HRG: variants seen among roughly 807,000 people sequenced by gnomAD.
HRG encodes histidine rich glycoprotein, also known as histidine-rich glycoprotein.
A neutral mutation model predicts 29.5 loss-of-function variants in HRG; 26 were observed. That is an observed-to-expected ratio of 0.88 (90% CI 0.65 to 1.22). HRG has a LOEUF of 1.22. Among genes scored for constraint, HRG ranks in the 50% most tolerant of loss-of-function variants. The pLI, the probability that HRG is intolerant of heterozygous loss-of-function variation, is 0.00. For missense variants in HRG, 671 were observed against 654.5 expected, an observed-to-expected ratio of 1.03 and a Z score of -0.28; for synonymous variants, 243 against 240.4, an observed-to-expected ratio of 1.01 and a Z score of -0.10.
At chr3:186,676,463 C>CT (rs971206689) in intron 6 of HRG, among the ~76,000 whole-genome samples, 27 of 148,742 alleles carry the variant, frequency 1.8e-4, no homozygotes, top group East Asian at 7.9e-4. Flanking sequence ...CTGGCTCTTT[C>CT]TTTTTTTTTT....
At chr3:186,672,922 G>GAGAAGA in intron 5 of HRG, 55 bp downstream of exon 5, 1 of 1,130,868 alleles carries the variant, frequency 8.8e-7, no homozygotes, top group South Asian at 1.2e-5. Context: ...AAAAAAGAAA[G>GAGAAGA]AGAAGAAGGA....
intron 5 of HRG, 62 bp from the exon 6 acceptor site, chr3:186,675,027 T>A: frequency 9.3e-7 from 1 of 1,079,470 alleles, no homozygotes; most frequent in Non-Finnish European, 1.4e-6. Flanking sequence ...GGAAGCTAAC[T>A]CTGGCTGGTC....
chr3:186,677,495 A>G lies in HRG; in HGVS notation c.1190A>G (p.His397Arg). The change falls in exon 7 of 7, where the codon CAT becomes CGT. Residue 397 changes from histidine (H) to arginine (R), a missense_variant. His to Arg is a conservative substitution (Grantham distance 29). Transcript: ENST00000232003. ...HGHHPHGHHP[H>R]GHHPHGHHPH... ...CACCATCCTCATGGACACCACCCCCATGGACACCATCCCCATGGACACCAT... is the reference window on the plus strand; with the variant it reads ...CACCATCCTCATGGACACCACCCCCGTGGACACCATCCCCATGGACACCAT... 1 of 1,598,522 alleles carries G rather than the reference A, an allele frequency of 6.3e-7. No individual in the cohort carries two copies. The highest frequency in any genetic ancestry group is 8.5e-7 in the Non-Finnish European group (1 of 1,171,604).
intron 5 of HRG, 136 bp from the exon 6 acceptor site, chr3:186,674,953 G>T (rs1242687414): frequency 1.3e-6 from 1 of 741,536 alleles, no homozygotes; most frequent in African/African-American, 1.7e-5. Context: ...CTGAACGACT[G>T]GTGGGAATAT....
At chr3:186,668,110 C>T (rs1285298323) in intron 1 of HRG, among the ~76,000 whole-genome samples, 1 of 152,174 alleles carries the variant, frequency 6.6e-6, no homozygotes, top group African/African-American at 2.4e-5. Flanking sequence ...AGTCCCATGC[C>T]AGGCTCATCA....
intron 4 of HRG, among the ~76,000 whole-genome samples, 177 bp from the exon 5 acceptor site, chr3:186,672,610 A>G (rs1718837251): frequency 6.6e-6 from 1 of 152,224 alleles, no homozygotes; most frequent in South Asian, 2.1e-4. Context: ...ACTGGTATTC[A>G]CCTTATCACT....
intron 5 of HRG, chr3:186,674,576 G>A (rs1360256773): frequency 1.3e-5 from 3 of 222,794 alleles, no homozygotes; most frequent in African/African-American, 6.9e-5. Context: ...GCACAGGAGT[G>A]GCAGCCAGTT....
At chr3:186,670,096 G>T in intron 3 of HRG, 68 bp downstream of exon 3, 1 of 843,226 alleles carries the variant, frequency 1.2e-6, no homozygotes, top group Non-Finnish European at 2.1e-6. Context: ...AGTGGTATTT[G>T]TCTCATCTAT....
At chr3:186,666,653 G>T (rs548937364) in intron 1 of HRG, among the ~76,000 whole-genome samples, 4 of 152,150 alleles carry the variant, frequency 2.6e-5, no homozygotes, top group Non-Finnish European at 5.9e-5. Context: ...GGTGGCTCAC[G>T]CCTGTAATCC....
chr3:186,671,557 C>T, intron 3 of HRG, 66 bp from the exon 4 acceptor site: 6 of 1,507,096 alleles, frequency 4.0e-6, no homozygotes, highest in Middle Eastern at 3.4e-4. Context: ...TATTGTCATT[C>T]TTGCCACCAA....
chr3:186,666,142 GATC>G lies in HRG; in HGVS notation c.113_115del (p.Ile38del). ...CGGAGGCTGAGAAAGCTCTAGACCTGATCAATAAAAGGCGACGGGATGGCTACC... is the reference window on the plus strand; with the variant it reads ...CGGAGGCTGAGAAAGCTCTAGACCTGAATAAAAGGCGACGGGATGGCTACC... On this transcript the variant is annotated inframe_deletion, in exon 1 of 7. Coordinates refer to ENST00000232003, the MANE Select transcript of HRG (RefSeq NM_000412.5). 6.2e-7 allele frequency: 1 copy of G among 1,614,206 alleles called. No homozygotes were observed. The highest frequency in any genetic ancestry group is 8.5e-7 in the Non-Finnish European group (1 of 1,180,028).
intron 1 of HRG, among the ~76,000 whole-genome samples, chr3:186,667,948 CT>C (rs1395465978): frequency 6.6e-6 from 1 of 152,152 alleles, no homozygotes; most frequent in African/African-American, 2.4e-5. Flanking sequence ...CCTACTCTCC[CT>C]CTGATGGAAA....
At chr3:186,671,857 T>C (rs2108576906) in intron 4 of HRG, 68 bp downstream of exon 4, 3 of 1,341,990 alleles carry the variant, frequency 2.2e-6, no homozygotes, top group Non-Finnish European at 3.2e-6. Context: ...AGGAACTGAA[T>C]GGCATACCCT....
chr3:186,669,348 A>G (rs961555910), intron 2 of HRG, among the ~76,000 whole-genome samples: 1 of 152,170 alleles, frequency 6.6e-6, no homozygotes. Flanking sequence ...TAAAATAAGA[A>G]GTGGGTTTAG....
chr3:186,675,722 A>G (rs569876794), intron 6 of HRG, among the ~76,000 whole-genome samples: 2 of 152,214 alleles, frequency 1.3e-5, no homozygotes, highest in African/African-American at 4.8e-5. Context: ...TCTTTGGTCT[A>G]TTTTTTACAT....
Position 186,677,894 on chromosome 3 carries a change from C to T in HRG, c.*11C>T. ...ACATTTCCAAAATAAAATGTGATTCCTTTGAAGAGGAAAATGAATAATACA... is the reference window on the plus strand; with the variant it reads ...ACATTTCCAAAATAAAATGTGATTCTTTTGAAGAGGAAAATGAATAATACA... On this transcript the variant is annotated 3_prime_UTR_variant, in exon 7 of 7. Transcript: ENST00000232003. The T allele has an allele frequency of 6.2e-7, 1 of 1,607,114 alleles. No individual in the cohort carries two copies. The highest frequency in any genetic ancestry group is 8.5e-7 in the Non-Finnish European group (1 of 1,173,860).
intron 3 of HRG, 63 bp from the exon 4 acceptor site, chr3:186,671,560 G>C (rs1718791196): frequency 6.6e-7 from 1 of 1,515,266 alleles, no homozygotes; most frequent in Non-Finnish European, 9.2e-7. Context: ...TGTCATTCTT[G>C]CCACCAAGCC....
intron 6 of HRG, among the ~76,000 whole-genome samples, chr3:186,676,019 G>A (rs543579189): frequency 5.3e-5 from 8 of 151,988 alleles, no homozygotes; most frequent in Admixed American, 2.6e-4. Flanking sequence ...ACAGGCATGC[G>A]CCACCATACC....
In HRG at chr3:186,677,758, C is replaced by G; in HGVS notation, c.1453C>G (p.His485Asp). ...TTTTCCCAGCTTCCCATTGCCGCAC[C>G]ACAAACATCCTCTAAAGCCAGACAA... Reference protein sequence around the residue: ...ANFPSFPLPHHKHPLKPDNQP... With the variant: ...ANFPSFPLPHDKHPLKPDNQP... Residue 485 changes from histidine (H) to aspartate (D), a missense_variant, in exon 7 of 7, where the codon CAC becomes GAC. Physicochemically the swap from His to Asp is moderately conservative, Grantham distance 81 (BLOSUM62 -1). Transcript: ENST00000232003. 6.2e-7 allele frequency: 1 copy of G among 1,612,452 alleles called. No homozygotes were observed. The highest frequency in any genetic ancestry group is 8.5e-7 in the Non-Finnish European group (1 of 1,178,578).
Sources: gnomAD v4.1 joint callset for allele counts (sites outside exome capture counted in the v4.1 genomes callset) on GRCh38, gnomAD v4.1.1 for gene constraint, MANE v1.5 for transcripts, NCBI Gene and HGNC (gene_info 2026-07-23, HGNC 2026-07-21) for gene names.